Variants in CAMK2D observed in about 807,000 individuals in gnomAD.
The protein encoded by CAMK2D is calcium/calmodulin dependent protein kinase II delta.
Under a neutral mutation model 84.0 loss-of-function variants are expected in CAMK2D, and 37 were observed. The ratio of observed to expected loss-of-function variants is 0.44; its 90% confidence interval spans 0.34 to 0.58. The LOEUF is 0.58. Among genes scored for constraint, CAMK2D ranks in the 20% least tolerant of loss-of-function variants. The pLI is 0.02. For missense variants in CAMK2D, 448 were observed against 652.5 expected (o/e 0.69, Z 3.41); for synonymous variants, 202 against 212.5 (o/e 0.95, Z 0.43).
intron 16 of CAMK2D, among the ~76,000 whole-genome samples, chr4:113,492,854 A>C (rs1243343521): frequency 7.5e-6 from 1 of 134,038 alleles, no homozygotes; most frequent in Non-Finnish European, 1.6e-5. Flanking sequence ...TATTTAGGAT[A>C]GTTAGCTCTT....
At chr4:113,513,663 G>C (rs1590489117) in intron 11 of CAMK2D, among the ~76,000 whole-genome samples, 167 bp downstream of exon 11, 1 of 152,134 alleles carries the variant, frequency 6.6e-6, no homozygotes, top group East Asian at 1.9e-4. Context: ...TTTCACCATA[G>C]TTTTGATTCT....
intron 3 of CAMK2D, among the ~76,000 whole-genome samples, chr4:113,631,294 C>T (rs1467106468): frequency 1.3e-5 from 2 of 152,178 alleles, no homozygotes; most frequent in African/African-American, 2.4e-5. Flanking sequence ...AGGAGGACCA[C>T]TTGAGCCCAG....
intron 4 of CAMK2D, among the ~76,000 whole-genome samples, chr4:113,559,940 C>A (rs150344604): frequency 2.0e-4 from 31 of 152,260 alleles, no homozygotes; most frequent in African/African-American, 6.7e-4. Context: ...TTTGTTGATA[C>A]GCCCCTATAC....
At chr4:113,706,772 G>T (rs190052109) in intron 2 of CAMK2D, among the ~76,000 whole-genome samples, 792 of 152,188 alleles carry the variant, frequency 5.2e-3, no homozygotes, top group Non-Finnish European at 8.5e-3. Context: ...TTTAAAATGG[G>T]GTTAGTATAT....
intron 17 of CAMK2D, among the ~76,000 whole-genome samples, chr4:113,462,286 GTGTGTGTGTCTGTC>G (rs1291854931): frequency 2.3e-5 from 2 of 85,990 alleles, no homozygotes; most frequent in Non-Finnish European, 5.1e-5. Context: ...GTGTGTGTGT[GTGTGTGTGTCTGTC>G]TGTCTGTCTG....
chr4:113,548,562 G>A lies in CAMK2D; in HGVS notation c.342-846C>T, dbSNP rs113687676. ...TCATTTTAGAAACAAGTTGGGAAAG[G>A]CAAGGGAACCATTTTAAATACCCAC... On this transcript the variant is annotated intron_variant, in intron 5 of 20. Coordinates refer to ENST00000511664, the MANE Select transcript of CAMK2D (RefSeq NM_001321571.2). 122 of 606,276 alleles carry A rather than the reference G, an allele frequency of 2.0e-4. 1 individual carries two copies. In the African/African-American group the frequency reaches 2.1e-3, roughly 10 times the overall value. The allele number at this position is 606,276 out of a possible 1,614,324, so 37.6% of individuals were successfully genotyped here.
intron 3 of CAMK2D, among the ~76,000 whole-genome samples, chr4:113,659,977 C>T (rs1359965357): frequency 1.3e-5 from 2 of 152,138 alleles, no homozygotes; most frequent in African/African-American, 4.8e-5. Flanking sequence ...AGTATCCATT[C>T]ATTTAAGACC....
rs2099599118 is a variant in CAMK2D, at chr4:113,744,137, G to C, written c.160+15183C>G. ...TTACAGGCGTGAGCCACCACACCCA[G>C]CCCCCTATTTTGTTAAACAAGCAAG... On this transcript the variant is annotated intron_variant, in intron 2 of 20. Coordinates refer to ENST00000511664, the MANE Select transcript of CAMK2D (RefSeq NM_001321571.2). Among the ~76,000 whole-genome samples, 3 of 152,120 alleles carry C rather than the reference G, an allele frequency of 2.0e-5. No homozygotes were observed. In the South Asian group the frequency reaches 6.2e-4, roughly 32 times the overall value.
chr4:113,653,606 T>A (rs918808771), intron 3 of CAMK2D, among the ~76,000 whole-genome samples: 4 of 152,044 alleles, frequency 2.6e-5, no homozygotes, highest in African/African-American at 9.7e-5. Flanking sequence ...GACTTTTAAT[T>A]GTCATTCATA....
chr4:113,711,622 G>A (rs2099492893), intron 2 of CAMK2D, among the ~76,000 whole-genome samples: 1 of 152,104 alleles, frequency 6.6e-6, no homozygotes. Flanking sequence ...ATATCAACAT[G>A]GAACTAGCCT....
intron 7 of CAMK2D, among the ~76,000 whole-genome samples, chr4:113,534,353 A>G (rs1299528280): frequency 6.6e-6 from 1 of 152,190 alleles, no homozygotes; most frequent in Non-Finnish European, 1.5e-5. Context: ...AAAGAGAAAA[A>G]AGAAGTATAT....
intron 16 of CAMK2D, among the ~76,000 whole-genome samples, chr4:113,490,766 AC>A (rs1456559592): frequency 7.0e-6 from 1 of 142,428 alleles, no homozygotes; most frequent in East Asian, 2.0e-4. Context: ...GATTCTTCCT[AC>A]CCATGAGCAT....
intron 2 of CAMK2D, among the ~76,000 whole-genome samples, chr4:113,672,938 G>A (rs184248401): frequency 3.7e-4 from 56 of 152,210 alleles, no homozygotes; most frequent in Middle Eastern, 3.4e-3. Context: ...GAAATTTTCC[G>A]TTTTAGCTGA....
At chr4:113,554,745 T>G (rs770432015) in intron 4 of CAMK2D, among the ~76,000 whole-genome samples, 13 of 152,148 alleles carry the variant, frequency 8.5e-5, no homozygotes, top group Non-Finnish European at 7.4e-5. Flanking sequence ...CCATAGTTAT[T>G]AGATATTTTT....
chr4:113,655,799 T>C (rs1401200172), intron 3 of CAMK2D, among the ~76,000 whole-genome samples: 1 of 152,142 alleles, frequency 6.6e-6, no homozygotes, highest in Admixed American at 6.6e-5. Flanking sequence ...TTTCCTTTCC[T>C]GGCCCAGCTG....
Position 113,655,316 on chromosome 4 carries a change from T to C in CAMK2D, c.220+6397A>G, listed in dbSNP as rs77005804. On this transcript the variant is annotated intron_variant, in intron 3 of 20. Transcript: ENST00000511664. ...TCTGTTACACTTTGTAGTGTATGAGTGAGTGTGTTTATGCATTTTGGGGTA... is the reference window on the plus strand; with the variant it reads ...TCTGTTACACTTTGTAGTGTATGAGCGAGTGTGTTTATGCATTTTGGGGTA... Among the ~76,000 whole-genome samples the C allele has an allele frequency of 4.9e-3, 741 of 152,054 alleles. 12 individuals carry two copies. Among genetic ancestry groups the C allele is most frequent in the African/African-American group, 0.017 (713 of 41,512 alleles).
At chr4:113,547,809 G>A in intron 5 of CAMK2D, 93 bp from the exon 6 acceptor site, 1 of 697,670 alleles carries the variant, frequency 1.4e-6, no homozygotes, top group South Asian at 2.1e-5. Context: ...TGCAGAGCTA[G>A]CAGACAACTG....
At chr4:113,689,843 GT>G (rs1237541495) in intron 2 of CAMK2D, among the ~76,000 whole-genome samples, 3 of 152,120 alleles carry the variant, frequency 2.0e-5, no homozygotes, top group South Asian at 4.1e-4. Context: ...TGCCCTACCA[GT>G]TTTCCATTCC....
At chr4:113,576,559 G>A (rs565659935) in intron 4 of CAMK2D, among the ~76,000 whole-genome samples, 4 of 151,746 alleles carry the variant, frequency 2.6e-5, no homozygotes, top group African/African-American at 4.8e-5. Context: ...GTATACAGAC[G>A]ATAGAAACAT....
Sources: allele counts gnomAD v4.1 joint callset (sites outside exome capture counted in the v4.1 genomes callset), GRCh38; gene constraint gnomAD v4.1.1; transcripts MANE v1.5; gene names NCBI Gene and HGNC (gene_info 2026-07-23, HGNC 2026-07-21).